KCTD16: variants seen among roughly 807,000 people sequenced by gnomAD.
KCTD16 encodes BTB/POZ domain-containing protein KCTD16.
A neutral mutation model predicts 33.2 loss-of-function variants in KCTD16; 13 were observed. The ratio of observed to expected loss-of-function variants is 0.39; its 90% confidence interval spans 0.25 to 0.62. The LOEUF (loss-of-function observed/expected upper bound fraction) is 0.62, where lower values mean the gene tolerates loss of function less well. Among genes scored for constraint, KCTD16 ranks in the 20% least tolerant of loss-of-function variants. The pLI, the probability that KCTD16 is intolerant of heterozygous loss-of-function variation, is 0.50. For synonymous variants in KCTD16, 197 were observed against 195.3 expected, an observed-to-expected ratio of 1.01 and a Z score of -0.07; for missense variants, 441 against 525.1, an observed-to-expected ratio of 0.84 and a Z score of 1.57.
At chr5:144,420,512 A>ATGTGTGTG (rs145586447) in intron 3 of KCTD16, among the ~76,000 whole-genome samples, 5 of 149,728 alleles carry the variant, frequency 3.3e-5, no homozygotes, top group African/African-American at 1.2e-4. Flanking sequence ...ACTTATTTAA[A>ATGTGTGTG]TGTGTGTGTG....
At chr5:144,339,159 T>C (rs898857370) in intron 3 of KCTD16, among the ~76,000 whole-genome samples, 1 of 152,234 alleles carries the variant, frequency 6.6e-6, no homozygotes, top group Non-Finnish European at 1.5e-5. Context: ...CTCTGCCTAG[T>C]GTATTCTGTG....
At chr5:144,381,014 G>A (rs1752201240) in intron 3 of KCTD16, among the ~76,000 whole-genome samples, 1 of 152,058 alleles carries the variant, frequency 6.6e-6, no homozygotes, top group Non-Finnish European at 1.5e-5. Flanking sequence ...AGAGTAAACA[G>A]ACAACCTATA....
At chr5:144,446,022 G>GT (rs1254759516) in intron 3 of KCTD16, among the ~76,000 whole-genome samples, 2 of 151,580 alleles carry the variant, frequency 1.3e-5, no homozygotes, top group Non-Finnish European at 2.9e-5. Context: ...CTACTTTCTT[G>GT]TTTTTTCTTC....
chr5:144,276,901 T>TAA (rs5871872), intron 3 of KCTD16, among the ~76,000 whole-genome samples: 68 of 140,204 alleles, frequency 4.9e-4, no homozygotes, highest in Middle Eastern at 3.6e-3. Flanking sequence ...AAACCCTGTC[T>TAA]AAAAAAAAAA....
Position 144,476,893 on chromosome 5 carries a change from T to C in KCTD16, c.*2779T>C, listed in dbSNP as rs778318835. On this transcript the variant is annotated 3_prime_UTR_variant, in exon 4 of 4. Coordinates refer to ENST00000512467, the MANE Select transcript of KCTD16 (RefSeq NM_020768.4). ...TTGTTTAATTCTGAAGAAAACAATA[T>C]ATATGGTTTACTTCTCGAACATTGG... 6.6e-6 allele frequency: 1 copy of C among 152,150 alleles called. No individual in the cohort carries two copies. The highest frequency in any genetic ancestry group is 1.5e-5 in the Non-Finnish European group (1 of 68,006). The allele number at this position is 152,150 out of a possible 1,614,324, so 9.4% of individuals were successfully genotyped here.
chr5:144,455,375 C>G (rs1754037967), intron 3 of KCTD16, among the ~76,000 whole-genome samples: 2 of 152,018 alleles, frequency 1.3e-5, no homozygotes, highest in African/African-American at 4.8e-5. Flanking sequence ...GGGGCACATT[C>G]AATTTTTGCA....
chr5:144,198,906 A>G (rs1752988424), intron 2 of KCTD16, among the ~76,000 whole-genome samples: 2 of 152,194 alleles, frequency 1.3e-5, no homozygotes, highest in South Asian at 4.1e-4. Context: ...GTGTTTGCTC[A>G]TGATTATATA....
At chr5:144,365,735 C>G (rs993524305) in intron 3 of KCTD16, among the ~76,000 whole-genome samples, 5 of 152,188 alleles carry the variant, frequency 3.3e-5, no homozygotes, top group African/African-American at 1.2e-4. Context: ...CAATGGACAA[C>G]TCAGTAAAGG....
At chr5:144,429,608 C>T (rs1753412753) in intron 3 of KCTD16, among the ~76,000 whole-genome samples, 1 of 152,078 alleles carries the variant, frequency 6.6e-6, no homozygotes, top group Admixed American at 6.6e-5. Flanking sequence ...AGTCATACAC[C>T]TATCCTTGGC....
At chr5:144,452,270 G>C (rs1039179388) in intron 3 of KCTD16, among the ~76,000 whole-genome samples, 8 of 151,496 alleles carry the variant, frequency 5.3e-5, no homozygotes, top group Non-Finnish European at 8.8e-5. Context: ...GATAATCTAT[G>C]TTTGAACATA....
At chr5:144,468,329 C>G (rs349685) in intron 3 of KCTD16, among the ~76,000 whole-genome samples, 4 of 151,964 alleles carry the variant, frequency 2.6e-5, no homozygotes, top group Non-Finnish European at 5.9e-5. Context: ...CCAATACTTA[C>G]GTTAAATTCT....
intron 3 of KCTD16, among the ~76,000 whole-genome samples, chr5:144,239,265 T>C (rs2126819981): frequency 6.6e-6 from 1 of 152,274 alleles, no homozygotes; most frequent in South Asian, 2.1e-4. Context: ...TTCCTGGTGC[T>C]GTGTAGCCAT....
chr5:144,213,393 TTC>T (rs1225565417), intron 3 of KCTD16, among the ~76,000 whole-genome samples: 3 of 151,724 alleles, frequency 2.0e-5, no homozygotes, highest in African/African-American at 4.9e-5. Context: ...CTTTCTTTCT[TTC>T]TCTCTCTTTC....
intron 3 of KCTD16, among the ~76,000 whole-genome samples, chr5:144,363,666 G>T (rs141999255): frequency 6.6e-6 from 1 of 152,242 alleles, no homozygotes; most frequent in Non-Finnish European, 1.5e-5. Context: ...CCTCTGGAGA[G>T]GATGGGTGCT....
chr5:144,433,107 A>G lies in KCTD16; in HGVS notation c.833-40553A>G, dbSNP rs73296082. ...CTGCTCTTCTATCTTCTTACCTGTC[A>G]CAGTAGGCATCACAAACCGAAATAC... On this transcript the variant is annotated intron_variant, in intron 3 of 3. Coordinates refer to ENST00000512467, the MANE Select transcript of KCTD16 (RefSeq NM_020768.4). Among the ~76,000 whole-genome samples, 1,026 of 152,240 alleles carry G rather than the reference A, an allele frequency of 6.7e-3. 10 individuals are homozygous for G. The highest frequency in any genetic ancestry group is 0.023 in the African/African-American group (969 of 41,554).
At chr5:144,228,793 A>G (rs1310826758) in intron 3 of KCTD16, among the ~76,000 whole-genome samples, 2 of 152,226 alleles carry the variant, frequency 1.3e-5, no homozygotes, top group East Asian at 3.8e-4. Flanking sequence ...TTCATCTATC[A>G]TGACAGGATC....
At chr5:144,185,513 A>G (rs1211856133) in intron 2 of KCTD16, among the ~76,000 whole-genome samples, 1 of 152,096 alleles carries the variant, frequency 6.6e-6, no homozygotes, top group Non-Finnish European at 1.5e-5. Context: ...CTTCATGTCC[A>G]TTGCTGTAAT....
chr5:144,435,144 A>T (rs1246161438), intron 3 of KCTD16, among the ~76,000 whole-genome samples: 1 of 152,212 alleles, frequency 6.6e-6, no homozygotes, highest in Non-Finnish European at 1.5e-5. Context: ...AGAAAAATAT[A>T]AAACAAAGTG....
At chr5:144,268,804 T>C (rs1755217822) in intron 3 of KCTD16, among the ~76,000 whole-genome samples, 2 of 152,096 alleles carry the variant, frequency 1.3e-5, no homozygotes, top group Admixed American at 6.6e-5. Flanking sequence ...AAAACTACTT[T>C]CTTAAAAATG....
Sources: gnomAD v4.1 joint callset for allele counts (sites outside exome capture counted in the v4.1 genomes callset) on GRCh38, gnomAD v4.1.1 for gene constraint, MANE v1.5 for transcripts, NCBI Gene and HGNC (gene_info 2026-07-23, HGNC 2026-07-21) for gene names.